The following DYM variants were observed in gnomAD, a reference collection of about 807,000 sequenced individuals.
DYM encodes dymeclin.
In DYM, 78 loss-of-function variants were observed where a neutral mutation model predicts 93.1. The ratio of observed to expected loss-of-function variants is 0.84; its 90% CI spans 0.70 to 1.01. The LOEUF is 1.01. Ranked by LOEUF, DYM falls within the 50% of genes least tolerant of loss-of-function variation. The probability of loss-of-function intolerance (pLI) is 0.00; values close to 1 mark genes in which losing one functional copy is unlikely to be tolerated. For missense variants in DYM, 789 were observed against 845.0 expected (o/e 0.93, Z 0.82); for synonymous variants, 321 against 319.7 (o/e 1.00, Z -0.04).
intron 14 of DYM, among the ~76,000 whole-genome samples, chr18:49,186,318 T>C (rs868321056): frequency 6.6e-6 from 1 of 152,216 alleles, no homozygotes; most frequent in Non-Finnish European, 1.5e-5. Context: ...TCTCAACATT[T>C]AAAGCACAAC....
intron 2 of DYM, 103 bp downstream of exon 2, chr18:49,430,152 T>C: frequency 1.9e-6 from 2 of 1,078,086 alleles, no homozygotes; most frequent in Non-Finnish European, 2.8e-6. Flanking sequence ...ACAGATAGAC[T>C]AGATAGATAG....
intron 16 of DYM, among the ~76,000 whole-genome samples, chr18:49,106,810 C>T (rs1287291123): frequency 1.3e-5 from 2 of 152,206 alleles, no homozygotes; most frequent in African/African-American, 4.8e-5. Flanking sequence ...TGTGGGTAAC[C>T]CGACCTTTGT....
intron 14 of DYM, among the ~76,000 whole-genome samples, chr18:49,188,815 T>C (rs561861431): frequency 7.9e-5 from 12 of 152,296 alleles, no homozygotes; most frequent in Non-Finnish European, 1.5e-4. Context: ...ATTGTGCACA[T>C]GTACCCTAAA....
intron 8 of DYM, among the ~76,000 whole-genome samples, chr18:49,331,467 C>T (rs1453560195): frequency 6.6e-6 from 1 of 152,232 alleles, no homozygotes. Flanking sequence ...AGGAAAACTG[C>T]ACCTAATTAG....
chr18:49,397,068 C>T (rs1401832714), intron 2 of DYM, among the ~76,000 whole-genome samples: 4 of 152,186 alleles, frequency 2.6e-5, no homozygotes, highest in African/African-American at 9.7e-5. Context: ...AATGTTCTCA[C>T]CACAAAGAAA....
chr18:49,049,484 G>T (rs942756647), intron 17 of DYM, among the ~76,000 whole-genome samples: 1 of 152,166 alleles, frequency 6.6e-6, no homozygotes, highest in African/African-American at 2.4e-5. Flanking sequence ...GCTCAGATCA[G>T]GCTCTTAAGG....
chr18:49,099,358 C>A (rs528424231), intron 16 of DYM, among the ~76,000 whole-genome samples: 2 of 152,196 alleles, frequency 1.3e-5, no homozygotes, highest in South Asian at 4.2e-4. Context: ...GATCCCAGGG[C>A]CTAGTCAGGG....
In DYM at chr18:49,052,467, A is replaced by C. The variant is rs1420100365; in HGVS notation, c.2026-8263T>G. On this transcript the variant is annotated intron_variant, in intron 17 of 17. Transcript: ENST00000675505. ...AAGGACACTGGGGACACATTTTGTC[A>C]GGACTGAGTCCAAGAAATGTCAGTC... Among the ~76,000 whole-genome samples the C allele has an allele frequency of 6.6e-5, 10 of 152,266 alleles. No individual in the cohort carries two copies. The East Asian group carries it at 1.9e-3, about 29-fold the overall frequency.
intron 6 of DYM, among the ~76,000 whole-genome samples, chr18:49,351,973 C>T (rs1469715459): frequency 6.6e-6 from 1 of 152,110 alleles, no homozygotes; most frequent in Non-Finnish European, 1.5e-5. Context: ...AGCTAGAGGA[C>T]TGATGGTGTC....
intron 15 of DYM, among the ~76,000 whole-genome samples, chr18:49,143,045 T>C (rs1391656319): frequency 6.6e-6 from 1 of 152,240 alleles, no homozygotes; most frequent in Non-Finnish European, 1.5e-5. Flanking sequence ...ATAATCATAT[T>C]TGAATACAAT....
At position 49,172,045 on chromosome 18, in the gene DYM, C is replaced by A. The variant is rs1361391755; in HGVS notation, c.1626-8258G>T. Among the ~76,000 whole-genome samples the A allele has an allele frequency of 2.0e-5, 3 of 152,168 alleles. 1 individual carries two copies. Among genetic ancestry groups the A allele is most frequent in the African/African-American group, 7.2e-5 (3 of 41,442 alleles). ...AATCTCCTGCTCCAATACCCTTCCC[C>A]TCACCCTTCCAGGCAACCACTGATC... On this transcript the variant is annotated intron_variant, in intron 14 of 17. Coordinates refer to ENST00000675505, the MANE Select transcript of DYM (RefSeq NM_001353214.3).
chr18:49,355,899 G>C (rs1351902492), intron 6 of DYM, among the ~76,000 whole-genome samples: 1 of 152,016 alleles, frequency 6.6e-6, no homozygotes, highest in African/African-American at 2.4e-5. Context: ...TAAACCACTA[G>C]AACAGGTGAG....
At chr18:49,287,009 G>A (rs1003783678) in intron 8 of DYM, among the ~76,000 whole-genome samples, 2 of 152,058 alleles carry the variant, frequency 1.3e-5, no homozygotes, top group African/African-American at 4.8e-5. Flanking sequence ...TAACCAACAT[G>A]GTGAAACCCC....
At chr18:49,335,480 AAAAAT>A (rs2063589370) in intron 6 of DYM, among the ~76,000 whole-genome samples, 1 of 152,212 alleles carries the variant, frequency 6.6e-6, no homozygotes, top group Non-Finnish European at 1.5e-5. Flanking sequence ...AAAAAATTTA[AAAAAT>A]AAAATAAAGC....
In DYM at chr18:49,043,132, CT is replaced by C. The variant is rs912870906; in HGVS notation, c.*922del. On this transcript the variant is annotated 3_prime_UTR_variant, in exon 18 of 18. Transcript: ENST00000675505. ...TAGCCATTTTCTTTTTCTTTTCTTT[CT>C]TTTTTTTTTTTTGCGAGACAGGGTC... The C allele has an allele frequency of 2.7e-3, 389 of 142,684 alleles. No individual in the cohort carries two copies. Among genetic ancestry groups the C allele is most frequent in the Middle Eastern group, 7.1e-3 (2 of 282 alleles). 8.8% of individuals were successfully genotyped at this position (142,684 alleles called of 1,614,324 possible). A position where few individuals can be genotyped will look rare whatever the true frequency, so the allele number is the denominator to read the frequency against.
intron 8 of DYM, among the ~76,000 whole-genome samples, chr18:49,327,219 C>A (rs929216187): frequency 7.3e-5 from 11 of 151,464 alleles, no homozygotes; most frequent in African/African-American, 2.7e-4. Flanking sequence ...GAACTTATTT[C>A]AAAATAAAAT....
chr18:49,083,675 A>T (rs1291300475), intron 17 of DYM, among the ~76,000 whole-genome samples: 1 of 152,250 alleles, frequency 6.6e-6, no homozygotes, highest in African/African-American at 2.4e-5. Context: ...CATTTAAAAA[A>T]TAGTGATAGG....
intron 15 of DYM, among the ~76,000 whole-genome samples, chr18:49,162,750 G>T (rs1439043438): frequency 6.6e-6 from 1 of 152,206 alleles, no homozygotes; most frequent in South Asian, 2.1e-4. Flanking sequence ...TGAGAGCAGA[G>T]CCAATTAGAT....
At chr18:49,120,078 CAAA>C (rs71165367) in intron 15 of DYM, among the ~76,000 whole-genome samples, 4 of 56,168 alleles carry the variant, frequency 7.1e-5, no homozygotes, top group Admixed American at 2.0e-4. Context: ...GATCCTGTCT[CAAA>C]AAAAAAAAAA....
Sources: gnomAD v4.1 joint callset for allele counts (sites outside exome capture counted in the v4.1 genomes callset) on GRCh38, gnomAD v4.1.1 for gene constraint, MANE v1.5 for transcripts, NCBI Gene and HGNC (gene_info 2026-07-23, HGNC 2026-07-21) for gene names.